Variants in ZNF875 observed in about 807,000 individuals in gnomAD.
ZNF875 encodes the protein zinc finger protein 875, also known as HKR1, GLI-Kruppel zinc finger family member.
Under a neutral mutation model 11.2 loss-of-function variants are expected in ZNF875, and 14 were observed. The observed-to-expected ratio is 1.26, with a 90% CI of 0.83 to 1.96. ZNF875 has a LOEUF of 1.96. Ranked by LOEUF, ZNF875 falls within the 30% of genes most tolerant of loss-of-function variation. The probability of loss-of-function intolerance (pLI) is 0.00; values close to 1 mark genes in which losing one functional copy is unlikely to be tolerated. For missense variants in ZNF875, 752 were observed against 760.4 expected, an observed-to-expected ratio of 0.99 and a Z score of 0.13; for synonymous variants, 301 against 281.1, an observed-to-expected ratio of 1.07 and a Z score of -0.71.
chr19:37,338,996 A>G (rs1447318443), intron 2 of ZNF875, among the ~76,000 whole-genome samples: 1 of 152,128 alleles, frequency 6.6e-6, no homozygotes, highest in East Asian at 1.9e-4. Context: ...TGGCAGGCAC[A>G]TTATGTTATT....
chr19:37,359,962 G>T (rs1184380914), intron 4 of ZNF875, among the ~76,000 whole-genome samples: 1 of 152,046 alleles, frequency 6.6e-6, no homozygotes, highest in Non-Finnish European at 1.5e-5. Flanking sequence ...TTTTAAAATG[G>T]GTTGTGCTTT....
chr19:37,343,889 C>T (rs1227980484), intron 2 of ZNF875, among the ~76,000 whole-genome samples: 1 of 152,146 alleles, frequency 6.6e-6, no homozygotes, highest in African/African-American at 2.4e-5. Flanking sequence ...TTAGGCTGTT[C>T]TAAACAATAA....
Position 37,362,779 on chromosome 19 carries a change from T to A in ZNF875, c.927T>A (p.Pro309=). The A allele has an allele frequency of 6.2e-7, 1 of 1,612,958 alleles. No individual in the cohort carries two copies. The highest frequency in any genetic ancestry group is 8.5e-7 in the Non-Finnish European group (1 of 1,179,616). ...THQRTHSGEK[P]YVCKDCGRGF... Reference sequence around the variant, plus strand: ...AGAGGACACACTCAGGGGAGAAACCTTATGTGTGCAAGGATTGTGGACGAG... The same window carrying A: ...AGAGGACACACTCAGGGGAGAAACCATATGTGTGCAAGGATTGTGGACGAG... The change falls in exon 5 of 5, where the codon CCT becomes CCA. Residue 309 remains proline (P), a synonymous_variant. Transcript: ENST00000392153.
chr19:37,356,371 A>G (rs1473609873), intron 4 of ZNF875, among the ~76,000 whole-genome samples: 1 of 152,220 alleles, frequency 6.6e-6, no homozygotes, highest in Admixed American at 6.5e-5. Flanking sequence ...ACTAATTTAC[A>G]TGACCACCAA....
chr19:37,317,633 T>C (rs2030322496), upstream of ZNF875, among the ~76,000 whole-genome samples: 1 of 152,216 alleles, frequency 6.6e-6, no homozygotes, highest in Admixed American at 6.5e-5. Flanking sequence ...AAGTTTTGGT[T>C]TGGCGCAGCG....
chr19:37,333,039 GAGTTT>G (rs1402876538), upstream of ZNF875, among the ~76,000 whole-genome samples: 11 of 152,142 alleles, frequency 7.2e-5, no homozygotes, highest in African/African-American at 2.7e-4. Context: ...AATTTCTGTA[GAGTTT>G]CATTCTGCCC....
chr19:37,315,778 T>A (rs1054420343), upstream of ZNF875, among the ~76,000 whole-genome samples: 42 of 152,030 alleles, frequency 2.8e-4, no homozygotes, highest in African/African-American at 9.4e-4. Flanking sequence ...GTCCACGGTA[T>A]GTGTGGGACT....
chr19:37,363,758 AG>A lies in ZNF875; in HGVS notation c.1908del (p.Thr637HisfsTer40). 6.2e-7 allele frequency: 1 copy of A among 1,613,970 alleles called. No homozygotes were observed. Among genetic ancestry groups the A allele is most frequent in the Non-Finnish European group, 8.5e-7 (1 of 1,179,918 alleles). ...GAAGTCCAACCTTATCAGACATCAG[AG>A]GACACACTCAGGATAGAAACTTTAT... The part of the protein sequence containing the change: ...SRKSNLIRHQ[R>X]THSG On this transcript the variant is annotated frameshift_variant, in exon 5 of 5. Coordinates refer to ENST00000392153, the MANE Select transcript of ZNF875 (RefSeq NM_001353803.2). LOFTEE classifies it high-confidence loss of function.
intron 2 of ZNF875, among the ~76,000 whole-genome samples, chr19:37,342,141 C>G (rs2035845093): frequency 6.6e-6 from 1 of 152,178 alleles, no homozygotes; most frequent in Non-Finnish European, 1.5e-5. Context: ...CGTGGAGACT[C>G]CACTAGGCAT....
At chr19:37,331,909 C>G (rs1189716891), upstream of ZNF875, among the ~76,000 whole-genome samples, 1 of 131,786 alleles carries the variant, frequency 7.6e-6, no homozygotes, top group Non-Finnish European at 1.7e-5. Flanking sequence ...GTCTCCTGCC[C>G]GTCCCTGGGC....
intron 2 of ZNF875, among the ~76,000 whole-genome samples, chr19:37,322,630 C>T (rs184437368): frequency 1.7e-3 from 261 of 152,184 alleles, no homozygotes; most frequent in Non-Finnish European, 2.9e-3. Flanking sequence ...ATGGTGACAC[C>T]CAGGGTGGCT....
At chr19:37,319,926 A>C (rs1300445594) in intron 1 of ZNF875, among the ~76,000 whole-genome samples, 1 of 152,064 alleles carries the variant, frequency 6.6e-6, no homozygotes, top group East Asian at 1.9e-4. Flanking sequence ...TCGCTCTGTC[A>C]CCCAGGCTGG....
chr19:37,316,716 G>A (rs563306192), upstream of ZNF875, among the ~76,000 whole-genome samples: 3 of 150,772 alleles, frequency 2.0e-5, no homozygotes, highest in Non-Finnish European at 4.4e-5. Flanking sequence ...AGGCTGGAGC[G>A]CAGGGGCGCG....
rs751092168 is a variant in ZNF875 at position 37,363,812 on chromosome 19, A to C, written c.*37A>C. 3 of 1,561,574 alleles carry C rather than the reference A, an allele frequency of 1.9e-6. No individual in the cohort carries two copies. The East Asian group carries it at 6.7e-5, about 35-fold the overall frequency. ...GTATAGGGAATGTGGTACAGCCTTT[A>C]GCCAGGAGTCATACTTCATCAGACA... On this transcript the variant is annotated 3_prime_UTR_variant, in exon 5 of 5. Coordinates refer to ENST00000392153, the MANE Select transcript of ZNF875 (RefSeq NM_001353803.2).
At chr19:37,346,137 C>T (rs1412171573) in intron 2 of ZNF875, among the ~76,000 whole-genome samples, 1 of 152,044 alleles carries the variant, frequency 6.6e-6, no homozygotes, top group African/African-American at 2.4e-5. Context: ...TAAGGCAACA[C>T]AATAAAGCAG....
chr19:37,343,717 G>A (rs1056976242), intron 2 of ZNF875, among the ~76,000 whole-genome samples: 1 of 152,082 alleles, frequency 6.6e-6, no homozygotes, highest in Non-Finnish European at 1.5e-5. Flanking sequence ...GTTTGCTGGT[G>A]TCCCACTGGA....
rs567055803 is a variant in ZNF875, at chr19:37,363,677, A to T, written c.1825A>T (p.Thr609Ser). ...GTCACACCTCATTAGACACCAGAGG[A>T]CACATTCAGGAGAGAAGCCTTATAT... ...RQSHLIRHQRTHSGEKPYICR... is the reference protein window; with the variant it reads ...RQSHLIRHQRSHSGEKPYICR... Residue 609 changes from threonine to serine, a missense_variant, in exon 5 of 5, where the codon ACA becomes TCA. Thr to Ser is a moderately conservative substitution (Grantham distance 58). Coordinates refer to ENST00000392153, the MANE Select transcript of ZNF875 (RefSeq NM_001353803.2). 1 of 1,613,476 alleles carries T rather than the reference A, an allele frequency of 6.2e-7. No individual in the cohort carries two copies. Among genetic ancestry groups the T allele is most frequent in the South Asian group, 1.1e-5 (1 of 90,976 alleles).
intron 4 of ZNF875, chr19:37,328,902 C>T (rs565270690): frequency 6.6e-6 from 1 of 152,338 alleles, no homozygotes; most frequent in East Asian, 1.9e-4. Context: ...AGTTCCTCCC[C>T]TAATCTGATG....
chr19:37,316,402 T>A (rs2145601648), upstream of ZNF875, among the ~76,000 whole-genome samples: 1 of 152,354 alleles, frequency 6.6e-6, no homozygotes, highest in East Asian at 1.9e-4. Flanking sequence ...GGAGTTTCGA[T>A]CCTCTCGCCC....
Sources: gnomAD v4.1 joint callset for allele counts (sites outside exome capture counted in the v4.1 genomes callset) on GRCh38, gnomAD v4.1.1 for gene constraint, MANE v1.5 for transcripts, NCBI Gene and HGNC (gene_info 2026-07-23, HGNC 2026-07-21) for gene names.